CTU2: variants seen among roughly 807,000 people sequenced by gnomAD.
CTU2 encodes cytoplasmic tRNA 2-thiolation protein 2.
A neutral mutation model predicts 64.1 loss-of-function variants in CTU2; 80 were observed. The ratio of observed to expected loss-of-function variants is 1.25; its 90% CI spans 1.04 to 1.50. The LOEUF is 1.50. Among genes scored for constraint, CTU2 ranks in the 40% most tolerant of loss-of-function variants. The pLI is 0.00. For synonymous variants in CTU2, 482 were observed against 285.3 expected, an observed-to-expected ratio of 1.69 and a Z score of -6.95; for missense variants, 1,110 against 690.2, an observed-to-expected ratio of 1.61 and a Z score of -6.81.
Position 88,714,734 on chromosome 16 carries a change from G to A in CTU2, c.1349G>A (p.Arg450Lys). Reference protein sequence around the residue: ...WAQRCGQGACRREDPQACIEE... With the variant: ...WAQRCGQGACKREDPQACIEE... The stretch of plus-strand genomic sequence containing the variant: ...CAGCGCTGTGGCCAGGGGGCCTGCA[G>A]GAGGTGAGTCCCTGTCCCTGCCACC... The change falls in exon 12 of 15, where the codon AGG (arginine) becomes AAG (lysine). Residue 450 changes from arginine to lysine, a missense_variant. Transcript: ENST00000453996. 6.2e-7 allele frequency: 1 copy of A among 1,607,554 alleles called. No homozygotes were observed. The highest frequency in any genetic ancestry group is 8.5e-7 in the Non-Finnish European group (1 of 1,176,986).
At chr16:88,712,460 C>A in intron 6 of CTU2, 77 bp downstream of exon 6, 2 of 1,454,352 alleles carry the variant, frequency 1.4e-6, no homozygotes, top group Non-Finnish European at 1.9e-6. Flanking sequence ...GCCTCACTGG[C>A]CTCTCCCTCA....
Position 88,715,376 on chromosome 16 carries a change from TAAAAAA to T in CTU2, c.*130_*135del. The T allele has an allele frequency of 9.2e-7, 1 of 1,087,758 alleles. No individual in the cohort carries two copies. The highest frequency in any genetic ancestry group is 1.3e-6 in the Non-Finnish European group (1 of 789,740). 67.4% of individuals were successfully genotyped at this position (1,087,758 alleles called of 1,614,324 possible). The stretch of plus-strand genomic sequence containing the variant: ...TTGTATAAATAAAACATTTTTTAAT[TAAAAAA>T]AAAACTCTACAGTACACGTGGGGGA... On this transcript the variant is annotated 3_prime_UTR_variant, in exon 15 of 15. Transcript: ENST00000453996.
chr16:88,712,787 C>A lies in CTU2; in HGVS notation c.619C>A (p.Pro207Thr), dbSNP rs1266635807. 6.2e-7 allele frequency: 1 copy of A among 1,607,916 alleles called. No homozygotes were observed. The highest frequency in any genetic ancestry group is 1.3e-5 in the African/African-American group (1 of 74,744). The part of the protein sequence containing the change: ...TQGEEQPPQP[P>T]LDPQNLARPP... ...AGGGGAGGAACAGCCACCCCAGCCC[C>A]CGCTGGACCCCCAGAACCTGGCAAG... The change falls in exon 7 of 15, where the codon CCG (proline) becomes ACG (threonine). Residue 207 changes from proline (P) to threonine (T), a missense_variant. Physicochemically the swap from Pro to Thr is conservative, Grantham distance 38. Coordinates refer to ENST00000453996, the MANE Select transcript of CTU2 (RefSeq NM_001012759.3).
chr16:88,707,622 G>A (rs1306524117), intron 2 of CTU2, among the ~76,000 whole-genome samples: 1 of 152,152 alleles, frequency 6.6e-6, no homozygotes, highest in Non-Finnish European at 1.5e-5. Context: ...TTTCATCTGT[G>A]GCAGGATAGA....
chr16:88,710,706 C>T (rs1325969236), intron 4 of CTU2: 1 of 179,720 alleles, frequency 5.6e-6, no homozygotes, highest in African/African-American at 2.4e-5. Context: ...TCCATTTGCT[C>T]AACCTGCGTA....
In CTU2 at chr16:88,713,446, C is replaced by G; in HGVS notation, c.872C>G (p.Thr291Arg). 2 of 1,576,402 alleles carry G rather than the reference C, an allele frequency of 1.3e-6. No individual in the cohort carries two copies. Among genetic ancestry groups the G allele is most frequent in the South Asian group, 1.2e-5 (1 of 85,818 alleles). The change falls in exon 8 of 15, where the codon ACG becomes AGG. Residue 291 changes from threonine (T) to arginine (R), a missense_variant and splice_region_variant. Transcript: ENST00000453996. ...LGRGAFLAWD[T>R]GFSDERHGDV... ...CGAGGGGCCTTCCTGGCCTGGGATA[C>G]GGTAGGCAGGGGCCTGGGTGTTCAG...
intron 2 of CTU2, among the ~76,000 whole-genome samples, chr16:88,707,918 C>T (rs1255981017): frequency 4.6e-5 from 7 of 152,050 alleles, no homozygotes; most frequent in Admixed American, 3.3e-4. Context: ...TCAAGTGATT[C>T]TCCTGCCTCA....
chr16:88,713,632 C>A lies in CTU2; in HGVS notation c.874-15C>A, dbSNP rs1385187807. ...CGGGCCTTGACCTGGACCACACAGC[C>A]CCTGCCTCCCGCAGGGCTTCTCGGA... On this transcript the variant is annotated splice_polypyrimidine_tract_variant and intron_variant, in intron 8 of 14. Coordinates refer to ENST00000453996, the MANE Select transcript of CTU2 (RefSeq NM_001012759.3). 2.2e-5 allele frequency: 36 copies of A among 1,609,862 alleles called. No homozygotes were observed. Among genetic ancestry groups the A allele is most frequent in the Non-Finnish European group, 2.7e-5 (32 of 1,178,276 alleles).
At position 88,715,361 on chromosome 16, in the gene CTU2, A is replaced by AAAAC. The variant is rs72190263; in HGVS notation, c.*112_*115dup. 9.8e-4 allele frequency: 1,212 copies of AAAAC among 1,240,342 alleles called. 9 individuals are homozygous for AAAAC. The African/African-American group carries it at 0.011, about 12-fold the overall frequency. 76.8% of individuals were successfully genotyped at this position (1,240,342 alleles called of 1,614,324 possible). On this transcript the variant is annotated 3_prime_UTR_variant, in exon 15 of 15. Transcript: ENST00000453996. ...CCTCTGATTGTCCATTTGTATAAAT[A>AAAAC]AAACATTTTTTAATTAAAAAAAAAA...
At chr16:88,707,402 C>T (rs1018936109) in intron 2 of CTU2, among the ~76,000 whole-genome samples, 192 bp downstream of exon 2, 1 of 152,198 alleles carries the variant, frequency 6.6e-6, no homozygotes, top group Non-Finnish European at 1.5e-5. Context: ...GGGAAAGTTT[C>T]CCATGAGCTA....
At position 88,707,130 on chromosome 16, in the gene CTU2, C is replaced by T. The variant is rs1422451129; in HGVS notation, c.69-6C>T. The T allele has an allele frequency of 6.2e-7, 1 of 1,613,518 alleles. No homozygotes were observed. Among genetic ancestry groups the T allele is most frequent in the Admixed American group, 1.7e-5 (1 of 60,004 alleles). ...TTCTCTCTTCTCCCCCCTCCCATCT[C>T]CAAAGCCGTGAGCAGAAGTGTGTGA... On this transcript the variant is annotated splice_polypyrimidine_tract_variant and splice_region_variant and intron_variant, in intron 1 of 14. Coordinates refer to ENST00000453996, the MANE Select transcript of CTU2 (RefSeq NM_001012759.3).
chr16:88,710,517 A>G (rs1597425875), intron 4 of CTU2: 1 of 553,704 alleles, frequency 1.8e-6, no homozygotes, highest in Non-Finnish European at 3.2e-6. Context: ...TGCACAAATC[A>G]GAAGCTGGGT....
chr16:88,710,436 C>G (rs946706302), intron 4 of CTU2, 154 bp downstream of exon 4: 1 of 680,934 alleles, frequency 1.5e-6, no homozygotes, highest in Non-Finnish European at 2.5e-6. Flanking sequence ...GTGTTCACAA[C>G]AGGTGCACCA....
At position 88,706,610 on chromosome 16, in the gene CTU2, C is replaced by G. The variant is rs1489763851; in HGVS notation, c.68+12C>G. On this transcript the variant is annotated intron_variant, in intron 1 of 14. Transcript: ENST00000453996. ...GCGCCGCGGCCCAGGTAAGAGCTGGCGGCCGGACCCGCCAGGCCGCCCCTC... is the reference window on the plus strand; with the variant it reads ...GCGCCGCGGCCCAGGTAAGAGCTGGGGGCCGGACCCGCCAGGCCGCCCCTC... 1.4e-6 allele frequency: 2 copies of G among 1,402,546 alleles called. No homozygotes were observed. The highest frequency in any genetic ancestry group is 3.0e-5 in the South Asian group (2 of 66,692). 86.9% of individuals were successfully genotyped at this position (1,402,546 alleles called of 1,614,324 possible).
In CTU2 at chr16:88,714,725, G is replaced by C. The variant is rs1264533125; in HGVS notation, c.1340G>C (p.Gly447Ala). The change falls in exon 12 of 15, where the codon GGG becomes GCG. Residue 447 changes from glycine to alanine, a missense_variant. Coordinates refer to ENST00000453996, the MANE Select transcript of CTU2 (RefSeq NM_001012759.3). ...GGCTGGGCCCAGCGCTGTGGCCAGG[G>C]GGCCTGCAGGAGGTGAGTCCCTGTC... ...GVGWAQRCGQ[G>A]ACRREDPQAC... is the part of the protein sequence containing the mutation. 6.2e-7 allele frequency: 1 copy of C among 1,607,674 alleles called. No homozygotes were observed. Among genetic ancestry groups the C allele is most frequent in the Admixed American group, 1.7e-5 (1 of 59,396 alleles).
intron 7 of CTU2, 29 bp from the exon 8 acceptor site, chr16:88,713,283 C>G (rs966355976): frequency 1.3e-6 from 2 of 1,560,012 alleles, no homozygotes; most frequent in Non-Finnish European, 1.7e-6. Context: ...CCTGCACCCC[C>G]CAGGCCCCTG....
Position 88,713,482 on chromosome 16 carries a change from C to T in CTU2, c.873+35C>T, listed in dbSNP as rs754058083. On this transcript the variant is annotated intron_variant, in intron 8 of 14. Coordinates refer to ENST00000453996, the MANE Select transcript of CTU2 (RefSeq NM_001012759.3). ...GGCCTGGGTGTTCAGGAGGCCCATC[C>T]TCACCTTCACCCCTTCGGCCACCTT... 9.0e-6 allele frequency: 14 copies of T among 1,560,500 alleles called. No homozygotes were observed. The Admixed American group carries it at 2.5e-4, about 28-fold the overall frequency.
rs1206685756 is a variant in CTU2 at position 88,710,208 on chromosome 16, T to G, written c.223-15T>G. On this transcript the variant is annotated splice_polypyrimidine_tract_variant and intron_variant, in intron 3 of 14. Coordinates refer to ENST00000453996, the MANE Select transcript of CTU2 (RefSeq NM_001012759.3). ...TGGAGGTGCGGTGCCCTGAGTGATG[T>G]TTTTTCTCCCCCAGGTGCTCTTGGC... 5 of 1,613,886 alleles carry G rather than the reference T, an allele frequency of 3.1e-6. No homozygotes were observed. Among genetic ancestry groups the G allele is most frequent in the Non-Finnish European group, 4.2e-6 (5 of 1,179,908 alleles).
At chr16:88,706,870 G>C in intron 1 of CTU2, 1 of 560,242 alleles carries the variant, frequency 1.8e-6, no homozygotes, top group Non-Finnish European at 3.2e-6. Context: ...CCGTGAAGCT[G>C]TCTCGCCTCC....
Sources: gnomAD v4.1 joint callset for allele counts (sites outside exome capture counted in the v4.1 genomes callset) on GRCh38, gnomAD v4.1.1 for gene constraint, MANE v1.5 for transcripts, NCBI Gene and HGNC (gene_info 2026-07-23, HGNC 2026-07-21) for gene names.